Variants in TBC1D2B observed in about 807,000 individuals in gnomAD.
TBC1D2B encodes TBC1 domain family, member 2B.
Under a neutral mutation model 100.8 loss-of-function variants are expected in TBC1D2B, and 64 were observed. The observed-to-expected ratio is 0.64, with a 90% CI of 0.52 to 0.78. The LOEUF (loss-of-function observed/expected upper bound fraction) is 0.78. Among genes scored for constraint, TBC1D2B ranks in the 30% least tolerant of loss-of-function variants. The pLI is 0.00. For missense variants in TBC1D2B, 1,052 were observed against 1,218.4 expected (o/e 0.86, Z 2.03); for synonymous variants, 480 against 479.7 (o/e 1.00, Z -0.01).
intron 3 of TBC1D2B, chr15:78,034,824 T>C (rs1287856493): frequency 2.4e-6 from 2 of 830,650 alleles, no homozygotes; most frequent in African/African-American, 3.7e-5. Flanking sequence ...GTTTTTGCTC[T>C]TATGTGGCAA....
At position 78,013,277 on chromosome 15, in the gene TBC1D2B, C is replaced by G. The variant is rs771886267; in HGVS notation, c.1816G>C (p.Asp606His). The G allele has an allele frequency of 5.6e-6, 9 of 1,613,904 alleles. No homozygotes were observed. Among genetic ancestry groups the G allele is most frequent in the Non-Finnish European group, 6.8e-6 (8 of 1,179,844 alleles). ...IYGFRTVPED[D>H]EEEKLVAKVR... is the part of the protein sequence containing the mutation. ...TTGGCAACCAATTTCTCTTCCTCATCATCCTCAGGTACAGTCCTGAACCCA... is the reference window on the plus strand; with the variant it reads ...TTGGCAACCAATTTCTCTTCCTCATGATCCTCAGGTACAGTCCTGAACCCA... The change falls in exon 9 of 13, where the codon GAT becomes CAT. Residue 606 changes from aspartate to histidine, a missense_variant. Physicochemically the swap from Asp to His is moderately conservative, Grantham distance 81 (BLOSUM62 -1). Around this residue, in one of 4 missense-constraint regions of TBC1D2B, gnomAD observed 373 missense variants for 464.9 expected, o/e 0.80. Transcript: ENST00000300584.
chr15:78,000,223 G>A (rs1398027596), intron 12 of TBC1D2B, among the ~76,000 whole-genome samples: 1 of 152,254 alleles, frequency 6.6e-6, no homozygotes, highest in Non-Finnish European at 1.5e-5. Context: ...CACTCAGAAG[G>A]AGGCGCTGCA....
intron 4 of TBC1D2B, among the ~76,000 whole-genome samples, chr15:78,027,222 T>C (rs1237033784): frequency 6.6e-6 from 1 of 152,104 alleles, no homozygotes; most frequent in East Asian, 1.9e-4. Context: ...AGTACAGTGG[T>C]TCCCTGGGGC....
Position 78,025,331 on chromosome 15 carries a change from G to C in TBC1D2B, c.1014C>G (p.Ser338=). ...GGCTCTGGACCTGCAGTTGCATTTC[G>C]GAGGCCGGCTTCCTGATGCTGACGC... The part of the protein sequence containing the change: ...SGSVSIRKPA[S]EMQLQVQSQQ... The change falls in exon 5 of 13, where the codon TCC becomes TCG. Residue 338 remains serine (S), a synonymous_variant. Transcript: ENST00000300584. 6.2e-7 allele frequency: 1 copy of C among 1,613,832 alleles called. No homozygotes were observed. The highest frequency in any genetic ancestry group is 8.5e-7 in the Non-Finnish European group (1 of 1,179,884).
At chr15:78,060,993 C>T (rs1291558244) in intron 1 of TBC1D2B, among the ~76,000 whole-genome samples, 2 of 151,544 alleles carry the variant, frequency 1.3e-5, no homozygotes, top group African/African-American at 2.4e-5. Context: ...TGCCTGTAAT[C>T]CCAGCACTAC....
At chr15:78,047,845 T>G (rs2073230787) in intron 2 of TBC1D2B, among the ~76,000 whole-genome samples, 1 of 152,206 alleles carries the variant, frequency 6.6e-6, no homozygotes, top group Non-Finnish European at 1.5e-5. Flanking sequence ...TGACACCATG[T>G]GTCAGTCTAC....
In TBC1D2B at chr15:77,997,156, G is replaced by A. The variant is rs770007633; in HGVS notation, c.*1004C>T. ...ACAACCCAGGCAGGTGGAGACACCA[G>A]GAGCACTGGCCATCCCCAAGGAGGC... On this transcript the variant is annotated 3_prime_UTR_variant, in exon 13 of 13. Transcript: ENST00000300584. 1.3e-5 allele frequency: 2 copies of A among 152,380 alleles called. No homozygotes were observed. The highest frequency in any genetic ancestry group is 2.9e-5 in the Non-Finnish European group (2 of 68,130). The allele number at this position is 152,380 out of a possible 1,614,324, so 9.4% of individuals were successfully genotyped here.
intron 2 of TBC1D2B, among the ~76,000 whole-genome samples, chr15:78,046,761 T>C (rs944977853): frequency 2.0e-5 from 3 of 152,206 alleles, no homozygotes; most frequent in Admixed American, 6.5e-5. Context: ...CATAAGCCAC[T>C]GTACCCAGCC....
chr15:78,064,313 T>C (rs1596330232), intron 1 of TBC1D2B, among the ~76,000 whole-genome samples: 2 of 152,242 alleles, frequency 1.3e-5, no homozygotes, highest in East Asian at 1.9e-4. Context: ...CTGGGTTCCT[T>C]CCCAAAGGGT....
intron 2 of TBC1D2B, among the ~76,000 whole-genome samples, chr15:78,050,599 T>C (rs1240100589): frequency 6.6e-6 from 1 of 152,242 alleles, no homozygotes; most frequent in Non-Finnish European, 1.5e-5. Context: ...CACCTGATTG[T>C]ATCTTTATGC....
chr15:78,024,967 G>A (rs1323391768), intron 5 of TBC1D2B, among the ~76,000 whole-genome samples: 1 of 152,200 alleles, frequency 6.6e-6, no homozygotes, highest in African/African-American at 2.4e-5. Flanking sequence ...TGTGTTTAGG[G>A]AGATTCAACC....
chr15:78,072,850 G>A (rs192457089), intron 1 of TBC1D2B, among the ~76,000 whole-genome samples: 3 of 152,234 alleles, frequency 2.0e-5, no homozygotes, highest in Admixed American at 6.5e-5. Flanking sequence ...AGAGAGAGAC[G>A]CACACAGGAA....
chr15:78,043,920 C>T (rs149662803), intron 3 of TBC1D2B, among the ~76,000 whole-genome samples: 50 of 151,804 alleles, frequency 3.3e-4, no homozygotes, highest in African/African-American at 1.1e-3. Flanking sequence ...GTAGTCCCAG[C>T]TACTCTGGAA....
intron 2 of TBC1D2B, among the ~76,000 whole-genome samples, chr15:78,052,172 G>A (rs957985736): frequency 1.3e-5 from 2 of 152,150 alleles, no homozygotes; most frequent in Non-Finnish European, 2.9e-5. Flanking sequence ...GCTCTGGGAA[G>A]GCACTGCAGT....
In TBC1D2B at chr15:78,045,063, T is replaced by C. The variant is rs1470197868; in HGVS notation, c.520A>G (p.Ile174Val). 2 of 1,591,984 alleles carry C rather than the reference T, an allele frequency of 1.3e-6. No individual in the cohort carries two copies. ...GLVARDNTDL[I>V]YPHPNASAEK... ...GCAGAAGCATTTGGGTGTGGGTAAA[T>C]TAAATCTGAAAAAAAAGGTAAACAA... Residue 174 changes from isoleucine (I) to valine (V), a missense_variant, in exon 3 of 13, where the codon ATT becomes GTT. Physicochemically the swap from Ile to Val is conservative, Grantham distance 29 (BLOSUM62 3). This residue lies in a region of TBC1D2B where 627 missense variants were observed against 646.1 expected (regional missense o/e 0.97). Coordinates refer to ENST00000300584, the MANE Select transcript of TBC1D2B (RefSeq NM_144572.2).
chr15:78,011,573 C>T (rs905055869), intron 9 of TBC1D2B, among the ~76,000 whole-genome samples: 23 of 149,152 alleles, frequency 1.5e-4, no homozygotes, highest in South Asian at 1.1e-3. Context: ...TGGGCTCAAG[C>T]GATCCTCCCA....
chr15:78,055,146 A>G (rs2073393775), intron 1 of TBC1D2B, among the ~76,000 whole-genome samples: 1 of 152,108 alleles, frequency 6.6e-6, no homozygotes, highest in Non-Finnish European at 1.5e-5. Flanking sequence ...GAAAACAAAT[A>G]TGTGGTTGCC....
intron 3 of TBC1D2B, among the ~76,000 whole-genome samples, chr15:78,035,669 C>T (rs2072927029): frequency 6.6e-6 from 1 of 152,198 alleles, no homozygotes; most frequent in Non-Finnish European, 1.5e-5. Context: ...TCAGTATTTC[C>T]TCCTCTACAA....
intron 1 of TBC1D2B, among the ~76,000 whole-genome samples, chr15:78,076,914 T>C (rs1434326146): frequency 1.3e-5 from 2 of 152,182 alleles, no homozygotes; most frequent in African/African-American, 2.4e-5. Flanking sequence ...ACCAAGGCCA[T>C]AGGCAAAGTT....
Sources: gnomAD v4.1 joint callset for allele counts (sites outside exome capture counted in the v4.1 genomes callset) on GRCh38, gnomAD v4.1.1 for gene constraint, gnomAD v4.1.1 regional missense constraint, MANE v1.5 for transcripts, NCBI Gene and HGNC (gene_info 2026-07-23, HGNC 2026-07-21) for gene names.